The following DHX36 variants were observed in gnomAD, a reference collection of about 807,000 sequenced individuals.
DHX36 encodes DEAH-box helicase 36, also known as ATP-dependent DNA/RNA helicase DHX36.
DHX36 carries 50 observed loss-of-function variants against 139.0 expected under a neutral mutation model. That is an observed-to-expected ratio of 0.36 (90% CI 0.29 to 0.46). The LOEUF is 0.46. Ranked by LOEUF, DHX36 falls within the 20% of genes least tolerant of loss-of-function variation. The pLI, the probability that DHX36 is intolerant of heterozygous loss-of-function variation, is 1.00. For synonymous variants in DHX36, 425 were observed against 401.9 expected (o/e 1.06, Z -0.69); for missense variants, 1,024 against 1,211.3 (o/e 0.85, Z 2.29).
intron 14 of DHX36, 116 bp from the exon 15 acceptor site, chr3:154,292,810 G>T: frequency 7.0e-7 from 1 of 1,432,042 alleles, no homozygotes; most frequent in South Asian, 1.5e-5. Flanking sequence ...GTATTTCAGA[G>T]CATTTTTTTT....
At chr3:154,277,764 GA>G (rs1559943196) in intron 22 of DHX36, 46 bp from the exon 23 acceptor site, 1 of 1,513,438 alleles carries the variant, frequency 6.6e-7, no homozygotes, top group Non-Finnish European at 8.9e-7. Context: ...AAGTCTTCTA[GA>G]GGATTTTCTT....
intron 5 of DHX36, among the ~76,000 whole-genome samples, chr3:154,308,213 T>G (rs1277680517): frequency 6.6e-6 from 1 of 152,194 alleles, no homozygotes; most frequent in Admixed American, 6.5e-5. Flanking sequence ...TCCCATAAAT[T>G]TACACACTTC....
At chr3:154,292,256 T>C (rs551356825) in intron 15 of DHX36, among the ~76,000 whole-genome samples, 2 of 152,326 alleles carry the variant, frequency 1.3e-5, no homozygotes, top group South Asian at 4.1e-4. Flanking sequence ...TAGTTGCTAT[T>C]ATTATCACAC....
chr3:154,283,053 A>G lies in DHX36; in HGVS notation c.2376+135T>C, dbSNP rs1199310075. The G allele has an allele frequency of 5.2e-6, 3 of 580,888 alleles. No homozygotes were observed. In the East Asian group the frequency reaches 8.6e-5, roughly 17 times the overall value. 36.0% of individuals were successfully genotyped at this position (580,888 alleles called of 1,614,324 possible). Reference sequence around the variant, plus strand: ...GTTGATTTCAGAAAGATCCCCCATTACTTTGTGTATATATACAAATATACT... The same window carrying G: ...GTTGATTTCAGAAAGATCCCCCATTGCTTTGTGTATATATACAAATATACT... On this transcript the variant is annotated intron_variant, in intron 20 of 24. Coordinates refer to ENST00000496811, the MANE Select transcript of DHX36 (RefSeq NM_020865.3).
intron 12 of DHX36, among the ~76,000 whole-genome samples, chr3:154,299,205 G>A (rs752131142): frequency 2.2e-4 from 33 of 152,030 alleles, no homozygotes; most frequent in Non-Finnish European, 4.0e-4. Flanking sequence ...CAAAGGAGGC[G>A]GAGGTTGCAG....
At chr3:154,322,221 AC>A (rs1450071377) in intron 1 of DHX36, among the ~76,000 whole-genome samples, 1 of 152,240 alleles carries the variant, frequency 6.6e-6, no homozygotes, top group Non-Finnish European at 1.5e-5. Flanking sequence ...TAAACCTGTT[AC>A]GTTGAAGCCG....
intron 1 of DHX36, among the ~76,000 whole-genome samples, chr3:154,321,908 C>G (rs941957171): frequency 9.0e-5 from 12 of 132,662 alleles, no homozygotes; most frequent in African/African-American, 3.5e-4. Flanking sequence ...GACTGGGCAA[C>G]AGAGTGAGAC....
At position 154,276,067 on chromosome 3, in the gene DHX36, A is replaced by C; in HGVS notation, c.*104T>G. 1 of 1,084,214 alleles carries C rather than the reference A, an allele frequency of 9.2e-7. No homozygotes were observed. The allele number at this position is 1,084,214 out of a possible 1,614,324, so 67.2% of individuals were successfully genotyped here. A position where few individuals can be genotyped will look rare whatever the true frequency, so the allele number is the denominator to read the frequency against. On this transcript the variant is annotated 3_prime_UTR_variant, in exon 25 of 25. Coordinates refer to ENST00000496811, the MANE Select transcript of DHX36 (RefSeq NM_020865.3). The stretch of plus-strand genomic sequence containing the variant: ...TACCTACTGAAGGCTTCTACCTTAC[A>C]CATGAAAATTGTTCATGTCCCAGGG...
intron 24 of DHX36, 154 bp downstream of exon 24, chr3:154,276,593 C>T: frequency 1.1e-6 from 1 of 925,304 alleles, no homozygotes; most frequent in Non-Finnish European, 1.6e-6. Flanking sequence ...CACCTCAAAA[C>T]ACAATTCAGA....
rs571794546 is a variant in DHX36, at chr3:154,310,420, A to G, written c.643-597T>C. ...ACTGTATAAACGAAGTCATCTTACT[A>G]CCTCAAAGGGATGTTAGGGGTTATT... On this transcript the variant is annotated intron_variant, in intron 4 of 24. Transcript: ENST00000496811. Among the ~76,000 whole-genome samples the G allele has an allele frequency of 1.7e-3, 259 of 152,106 alleles. 2 individuals carry two copies. Among genetic ancestry groups the G allele is most frequent in the Middle Eastern group, 6.8e-3 (2 of 294 alleles).
chr3:154,313,856 T>C (rs969492478), intron 3 of DHX36, among the ~76,000 whole-genome samples: 3 of 152,320 alleles, frequency 2.0e-5, no homozygotes, highest in Admixed American at 6.5e-5. Context: ...TTATGAGCTA[T>C]GCAACCTCAG....
chr3:154,284,609 G>A lies in DHX36; in HGVS notation c.2266C>T (p.His756Tyr). 1.2e-6 allele frequency: 2 copies of A among 1,609,850 alleles called. No individual in the cohort carries two copies. The highest frequency in any genetic ancestry group is 1.7e-6 in the Non-Finnish European group (2 of 1,178,640). ...KELAKDTRSD[H>Y]LTVVNAFEGW... ...TCAAACGCATTCACAACTGTTAAGTGATCACTTCTAGTATCCTTTGCCAAT... is the reference window on the plus strand; with the variant it reads ...TCAAACGCATTCACAACTGTTAAGTAATCACTTCTAGTATCCTTTGCCAAT... Residue 756 changes from histidine to tyrosine, a missense_variant, in exon 19 of 25, where the codon CAC (histidine) becomes TAC (tyrosine). Around this residue, in one of 4 missense-constraint regions of DHX36, gnomAD observed 470 missense variants for 616.2 expected, o/e 0.76. Transcript: ENST00000496811.
chr3:154,277,310 T>C (rs933022494), intron 23 of DHX36, among the ~76,000 whole-genome samples: 1 of 152,166 alleles, frequency 6.6e-6, no homozygotes, highest in Non-Finnish European at 1.5e-5. Flanking sequence ...TTCTATACAA[T>C]GTAAACTCCT....
chr3:154,276,139 A>T lies in DHX36; in HGVS notation c.*32T>A, dbSNP rs1460452190. 6.3e-7 allele frequency: 1 copy of T among 1,579,396 alleles called. No homozygotes were observed. Among genetic ancestry groups the T allele is most frequent in the East Asian group, 2.3e-5 (1 of 44,356 alleles). On this transcript the variant is annotated 3_prime_UTR_variant, in exon 25 of 25. Transcript: ENST00000496811. ...AAACAATGATGAAGAATGGCTGTCA[A>T]ACTGGCTTTTCAGACCACCCCTGAA... is the stretch of plus-strand genomic sequence containing the variant.
In DHX36 at chr3:154,324,343, C is replaced by A. The variant is rs1306964560; in HGVS notation, c.74G>T (p.Gly25Val). ...GTTACCTCCATGACCCCCTGCTGGC[C>A]CCCCTCCATAGCCCCCACCGGAGCT... is the stretch of plus-strand genomic sequence containing the variant. ...PRSSGGGYGG[G>V]PAGGHGGNRG... is the part of the protein sequence containing the mutation. The change falls in exon 1 of 25, where the codon GGG (glycine) becomes GTG (valine). Residue 25 changes from glycine to valine, a missense_variant. Transcript: ENST00000496811. 2 of 1,607,346 alleles carry A rather than the reference C, an allele frequency of 1.2e-6. No homozygotes were observed. Among genetic ancestry groups the A allele is most frequent in the Admixed American group, 1.7e-5 (1 of 59,232 alleles).
chr3:154,302,327 A>C (rs553545697), intron 9 of DHX36, among the ~76,000 whole-genome samples: 1 of 152,240 alleles, frequency 6.6e-6, no homozygotes, highest in African/African-American at 2.4e-5. Flanking sequence ...ACCCTGGTAC[A>C]TAACTGCCTG....
chr3:154,305,968 C>T (rs945265556), intron 6 of DHX36, among the ~76,000 whole-genome samples: 3 of 151,940 alleles, frequency 2.0e-5, no homozygotes, highest in Non-Finnish European at 4.4e-5. Context: ...TAATCTATGT[C>T]CAGGAAAAAT....
intron 17 of DHX36, among the ~76,000 whole-genome samples, chr3:154,286,079 A>G (rs187148577): frequency 9.8e-4 from 148 of 151,288 alleles, no homozygotes; most frequent in Non-Finnish European, 1.7e-3. Context: ...TAATCTCATC[A>G]GAAGCAGAAG....
Position 154,284,917 on chromosome 3 carries a change from T to C in DHX36, c.2102A>G (p.His701Arg), listed in dbSNP as rs773137935. The C allele has an allele frequency of 1.1e-5, 18 of 1,614,048 alleles. No individual in the cohort carries two copies. In the African/African-American group the frequency reaches 1.9e-4, roughly 17 times the overall value. Residue 701 changes from histidine to arginine, a missense_variant, in exon 18 of 25, where the codon CAT becomes CGT. Transcript: ENST00000496811. Reference protein sequence around the residue: ...VHLARLPVEPHIGKMILFGAL... With the variant: ...VHLARLPVEPRIGKMILFGAL... ...TCCAAAAAGAATCATTTTTCCAATA[T>C]GTGGCTCAACGGGTAATCGTGCCAA...
Sources: allele counts gnomAD v4.1 joint callset (sites outside exome capture counted in the v4.1 genomes callset), GRCh38; gene constraint gnomAD v4.1.1; regional missense constraint gnomAD v4.1.1; transcripts MANE v1.5; gene names NCBI Gene and HGNC (gene_info 2026-07-23, HGNC 2026-07-21).